Variants in FYCO1 observed in about 807,000 individuals in gnomAD.
The protein encoded by FYCO1 is FYVE and coiled-coil domain-containing protein 1.
FYCO1 carries 122 observed loss-of-function variants against 165.1 expected under a neutral mutation model. That is an observed-to-expected ratio of 0.74 (90% CI 0.64 to 0.86). FYCO1 has a LOEUF of 0.86. Ranked by LOEUF, FYCO1 falls within the 40% of genes least tolerant of loss-of-function variation. FYCO1 has a pLI of 0.00. For synonymous variants in FYCO1, 648 were observed against 742.5 expected (o/e 0.87, Z 2.07); for missense variants, 1,702 against 1,810.3 (o/e 0.94, Z 1.09).
intron 14 of FYCO1, among the ~76,000 whole-genome samples, chr3:45,937,710 G>A (rs548267099): frequency 6.6e-4 from 100 of 152,346 alleles, no homozygotes; most frequent in African/African-American, 2.2e-3. Flanking sequence ...CAGGAAGAAC[G>A]CAGGCTGCAG....
chr3:45,922,278 A>G (rs1703121609), intron 17 of FYCO1, among the ~76,000 whole-genome samples: 2 of 152,174 alleles, frequency 1.3e-5, no homozygotes, highest in African/African-American at 4.8e-5. Context: ...CCCTGAGATG[A>G]CCTCGATGGG....
intron 15 of FYCO1, among the ~76,000 whole-genome samples, chr3:45,934,461 C>T (rs1227387887): frequency 6.6e-6 from 1 of 152,204 alleles, no homozygotes; most frequent in African/African-American, 2.4e-5. Context: ...CATCTAAAAC[C>T]ATGGAGGCCA....
intron 16 of FYCO1, among the ~76,000 whole-genome samples, chr3:45,930,499 C>T (rs1169383125): frequency 6.6e-6 from 1 of 152,196 alleles, no homozygotes; most frequent in African/African-American, 2.4e-5. Context: ...TGGATCCCAC[C>T]CCTAGAGACT....
rs188569356 is a variant in FYCO1, at chr3:45,964,306, C to T, written c.3269+30G>A. 1.6e-5 allele frequency: 24 copies of T among 1,516,432 alleles called. No homozygotes were observed. Among genetic ancestry groups the T allele is most frequent in the African/African-American group, 4.1e-5 (3 of 73,160 alleles). The allele number at this position is 1,516,432 out of a possible 1,614,324, so 93.9% of individuals were successfully genotyped here. On this transcript the variant is annotated intron_variant, in intron 10 of 17. Coordinates refer to ENST00000296137, the MANE Select transcript of FYCO1 (RefSeq NM_024513.4). This position sits in a 1 kb window ranked among gnomAD's most constrained non-coding sequence, Gnocchi z 4.1. ...CAAACACTCCTTCCCTGAAGACTAC[C>T]GACAGCTACGTAGGTGGACTGTGAC... is the stretch of plus-strand genomic sequence containing the variant.
chr3:45,978,708 C>G (rs1706888419), intron 4 of FYCO1, among the ~76,000 whole-genome samples: 1 of 152,158 alleles, frequency 6.6e-6, no homozygotes, highest in African/African-American at 2.4e-5. Flanking sequence ...AGGGGTTTAC[C>G]TGCTCCCTGA....
In FYCO1 at chr3:45,966,381, C is replaced by T; in HGVS notation, c.2953G>A (p.Ala985Thr). The T allele has an allele frequency of 6.2e-7, 1 of 1,614,074 alleles. No individual in the cohort carries two copies. Among genetic ancestry groups the T allele is most frequent in the African/African-American group, 1.3e-5 (1 of 75,070 alleles). ...LPGLQAQLAQ[A>T]EQRAQSLQEA... is the part of the protein sequence containing the mutation. ...TGGAGGCTCTGGGCCCGCTGCTCTG[C>T]CTGGGCGAGCTGGGCCTGCAGGCCA... Residue 985 changes from alanine (A) to threonine (T), a missense_variant, in exon 8 of 18, where the codon GCA (alanine) becomes ACA (threonine). Transcript: ENST00000296137.
chr3:45,960,164 A>G (rs1021393685), intron 11 of FYCO1, among the ~76,000 whole-genome samples: 1 of 152,192 alleles, frequency 6.6e-6, no homozygotes, highest in Non-Finnish European at 1.5e-5. Context: ...GAGGGGGAGG[A>G]TGTGAACAGA....
At position 45,955,379 on chromosome 3, in the gene FYCO1, A is replaced by G; in HGVS notation, c.3814T>C (p.Tyr1272His). The change falls in exon 14 of 18, where the codon TAC (tyrosine) becomes CAC (histidine). Residue 1272 changes from tyrosine to histidine, a missense_variant. Transcript: ENST00000296137. The stretch of plus-strand genomic sequence containing the variant: ...AACACAGCGTCGTCCGGTGGCCTGT[A>G]GTCTGTATTTGCTCCTGGGCAGCAG... The part of the protein sequence containing the change: ...ATGGQGANTD[Y>H]RPPDDAVFDI... 2.5e-6 allele frequency: 4 copies of G among 1,614,206 alleles called. No homozygotes were observed. The African/African-American group carries it at 5.3e-5, about 22-fold the overall frequency.
chr3:45,972,221 C>T (rs1213790554), intron 6 of FYCO1, among the ~76,000 whole-genome samples: 2 of 151,906 alleles, frequency 1.3e-5, no homozygotes, highest in Admixed American at 1.3e-4. Flanking sequence ...TTTGGAAGGC[C>T]AAGATAGGAG....
At position 45,967,432 on chromosome 3, in the gene FYCO1, G is replaced by A. The variant is rs371412255; in HGVS notation, c.1902C>T (p.Leu634=). The A allele has an allele frequency of 6.2e-7, 1 of 1,613,286 alleles. No individual in the cohort carries two copies. The highest frequency in any genetic ancestry group is 8.5e-7 in the Non-Finnish European group (1 of 1,179,880). The change falls in exon 8 of 18, where the codon CTC becomes CTT. Residue 634 remains leucine (L), a synonymous_variant. Transcript: ENST00000296137. The part of the protein sequence containing the change: ...ELQNVVGRNQ[L]LEGKLQALQA... ...GCAGGGCTTGCAGCTTGCCCTCCAG[G>A]AGCTGGTTACGCCCGACCACATTCT... is the stretch of plus-strand genomic sequence containing the variant.
rs150413241 is a variant in FYCO1 at position 45,993,203 on chromosome 3, C to T, written c.-113+2519G>A. Among the ~76,000 whole-genome samples the T allele has an allele frequency of 7.9e-4, 121 of 152,312 alleles. No homozygotes were observed. The East Asian group carries it at 0.021, about 26-fold the overall frequency. ...GGCCCTTGGTGCCTTTCAAATGCCA[C>T]AGAGATCCAAGTGAACAGGAAGGAC... On this transcript the variant is annotated intron_variant, in intron 1 of 17. Coordinates refer to ENST00000296137, the MANE Select transcript of FYCO1 (RefSeq NM_024513.4). This position sits in a 1 kb window ranked among gnomAD's most constrained non-coding sequence, Gnocchi z 4.4.
Position 45,966,938 on chromosome 3 carries a change from A to T in FYCO1, c.2396T>A (p.Met799Lys), listed in dbSNP as rs766587307. Reference sequence around the variant, plus strand: ...GTCCTGGTCATCCAGGGCTGCCCGCATCTTGGCCTGGAGGTCCACCACCTG... The same window carrying T: ...GTCCTGGTCATCCAGGGCTGCCCGCTTCTTGGCCTGGAGGTCCACCACCTG... ...QAQVVDLQAKMRAALDDQDKV... is the reference protein window; with the variant it reads ...QAQVVDLQAKKRAALDDQDKV... Residue 799 changes from methionine (M) to lysine (K), a missense_variant, in exon 8 of 18, where the codon ATG becomes AAG. Physicochemically the swap from Met to Lys is moderately conservative, Grantham distance 95 (BLOSUM62 -1). Coordinates refer to ENST00000296137, the MANE Select transcript of FYCO1 (RefSeq NM_024513.4). 2 of 1,613,706 alleles carry T rather than the reference A, an allele frequency of 1.2e-6. No homozygotes were observed. Among genetic ancestry groups the T allele is most frequent in the East Asian group, 4.5e-5 (2 of 44,876 alleles).
At chr3:45,944,069 G>A (rs758276213) in intron 14 of FYCO1, among the ~76,000 whole-genome samples, 3 of 152,146 alleles carry the variant, frequency 2.0e-5, no homozygotes, top group Non-Finnish European at 4.4e-5. Context: ...CTAAAAGTAC[G>A]GTCAGTTAAA....
Position 45,981,572 on chromosome 3 carries a change from G to T in FYCO1, c.160C>A (p.Gln54Lys). The T allele has an allele frequency of 1.3e-6, 2 of 1,584,522 alleles. No individual in the cohort carries two copies. The highest frequency in any genetic ancestry group is 1.7e-6 in the Non-Finnish European group (2 of 1,153,072). ...KFSYKLEYLL[Q>K]FDQKEKATLL... Reference sequence around the variant, plus strand: ...AACACATTACAGGCATCACTTACTTGCAGGAGATACTCAAGTTTATAAGAA... The same window carrying T: ...AACACATTACAGGCATCACTTACTTTCAGGAGATACTCAAGTTTATAAGAA... The change falls in exon 3 of 18, where the codon CAA (glutamine) becomes AAA (lysine). Residue 54 changes from glutamine to lysine, a missense_variant and splice_region_variant. Coordinates refer to ENST00000296137, the MANE Select transcript of FYCO1 (RefSeq NM_024513.4).
At chr3:45,946,466 C>A in intron 14 of FYCO1, 1 of 1,598,958 alleles carries the variant, frequency 6.3e-7, no homozygotes, top group South Asian at 1.1e-5. Flanking sequence ...CACAGGTGTT[C>A]ATCAGAACAG....
rs762223711 is a variant in FYCO1 at position 45,969,694 on chromosome 3, A to G, written c.611T>C (p.Leu204Ser). 12 of 1,613,982 alleles carry G rather than the reference A, an allele frequency of 7.4e-6. No homozygotes were observed. Among genetic ancestry groups the G allele is most frequent in the Admixed American group, 5.0e-5 (3 of 60,026 alleles). ...PPSRSSSMSS[L>S]VSSYLQTQEM... ...CCTTACCTGCAGGTAGCTGCTCACC[A>G]AGCTGCTCATGCTGGAGCTGCGGCT... The change falls in exon 7 of 18, where the codon TTG becomes TCG. Residue 204 changes from leucine (L) to serine (S), a missense_variant. Physicochemically the swap from Leu to Ser is moderately radical, Grantham distance 145. Transcript: ENST00000296137.
At chr3:45,973,064 A>G (rs1244272744) in intron 6 of FYCO1, 24 bp downstream of exon 6, 2 of 1,613,926 alleles carry the variant, frequency 1.2e-6, no homozygotes, top group South Asian at 2.2e-5. Flanking sequence ...CCTGTCTTTT[A>G]AACCAAGCAA....
Position 45,967,844 on chromosome 3 carries a change from T to G in FYCO1, c.1490A>C (p.Gln497Pro). 6.2e-7 allele frequency: 1 copy of G among 1,614,010 alleles called. No homozygotes were observed. Residue 497 changes from glutamine to proline, a missense_variant, in exon 8 of 18, where the codon CAA becomes CCA. Physicochemically the swap from Gln to Pro is moderately conservative, Grantham distance 76. Coordinates refer to ENST00000296137, the MANE Select transcript of FYCO1 (RefSeq NM_024513.4). ...LAELRREKKQQQEEKELLEQE... is the reference protein window; with the variant it reads ...LAELRREKKQPQEEKELLEQE... ...CTCCAGCAGCTCCTTCTCCTCCTGT[T>G]GCTGTTTTTTCTCCCGCCTCAACTC...
chr3:45,952,481 C>G (rs1552489), intron 14 of FYCO1, among the ~76,000 whole-genome samples: 1 of 151,942 alleles, frequency 6.6e-6, no homozygotes, highest in South Asian at 2.1e-4. Context: ...TGTCTGACAA[C>G]GCAGCCTTTA....
Sources: allele counts gnomAD v4.1 joint callset (sites outside exome capture counted in the v4.1 genomes callset), GRCh38; gene constraint gnomAD v4.1.1; non-coding constraint Gnocchi (gnomAD v3.1); transcripts MANE v1.5; gene names NCBI Gene and HGNC (gene_info 2026-07-23, HGNC 2026-07-21).